Variants in FBXW11 observed in about 807,000 individuals in gnomAD.
FBXW11 encodes the protein F-box/WD repeat-containing protein 11.
Under a neutral mutation model 77.6 loss-of-function variants are expected in FBXW11, and 19 were observed. The observed-to-expected ratio is 0.24, with a 90% CI of 0.17 to 0.36. The LOEUF (loss-of-function observed/expected upper bound fraction) is 0.36, where lower values mean the gene tolerates loss of function less well. Ranked by LOEUF, FBXW11 falls within the 10% of genes least tolerant of loss-of-function variation. FBXW11 has a pLI of 1.00. For missense variants in FBXW11, 334 were observed against 704.2 expected, an observed-to-expected ratio of 0.47 and a Z score of 5.95; for synonymous variants, 235 against 249.4, an observed-to-expected ratio of 0.94 and a Z score of 0.54.
intron 2 of FBXW11, among the ~76,000 whole-genome samples, chr5:171,939,715 A>G (rs868458099): frequency 0.026 from 3,851 of 147,918 alleles, 88 homozygotes; most frequent in African/African-American, 0.061. Context: ...AAAAAAAAAA[A>G]AAAGAAAGAA....
At chr5:171,953,952 A>G (rs1338222826) in intron 2 of FBXW11, among the ~76,000 whole-genome samples, 1 of 152,208 alleles carries the variant, frequency 6.6e-6, no homozygotes, top group Non-Finnish European at 1.5e-5. Context: ...GCTGTCAAGA[A>G]GTTGTGCTAC....
At chr5:171,902,121 A>G (rs373409595) in intron 4 of FBXW11, among the ~76,000 whole-genome samples, 3 of 152,180 alleles carry the variant, frequency 2.0e-5, no homozygotes, top group African/African-American at 4.8e-5. Flanking sequence ...TGCCCAGTCC[A>G]TATCTCTCTA....
chr5:171,964,791 C>T (rs917374121), intron 1 of FBXW11, among the ~76,000 whole-genome samples: 2 of 152,134 alleles, frequency 1.3e-5, no homozygotes, highest in South Asian at 2.1e-4. Flanking sequence ...TTTTCTATAA[C>T]CTTTTATAGA....
intron 2 of FBXW11, among the ~76,000 whole-genome samples, chr5:171,925,411 AAAACAAAC>A (rs753135131): frequency 1.3e-5 from 2 of 152,206 alleles, no homozygotes; most frequent in African/African-American, 2.4e-5. Flanking sequence ...TTTTCTGTAA[AAAACAAAC>A]AAACAAACAA....
At chr5:171,908,707 A>C (rs543643435) in intron 4 of FBXW11, 1 of 152,324 alleles carries the variant, frequency 6.6e-6, no homozygotes, top group African/African-American at 2.4e-5. Flanking sequence ...AGGTAAACTT[A>C]CACGTTTTGG....
intron 1 of FBXW11, among the ~76,000 whole-genome samples, chr5:171,974,976 T>C (rs1764745975): frequency 6.6e-6 from 1 of 152,100 alleles, no homozygotes; most frequent in Non-Finnish European, 1.5e-5. Flanking sequence ...GTATTTTTAG[T>C]AGAGACAGGG....
At chr5:171,951,115 A>C (rs1763290237) in intron 2 of FBXW11, among the ~76,000 whole-genome samples, 1 of 152,162 alleles carries the variant, frequency 6.6e-6, no homozygotes, top group African/African-American at 2.4e-5. Context: ...TTCCTTGACC[A>C]AGCAATTACA....
chr5:171,975,865 C>T (rs1764801036), intron 1 of FBXW11, among the ~76,000 whole-genome samples: 1 of 152,160 alleles, frequency 6.6e-6, no homozygotes, highest in African/African-American at 2.4e-5. Flanking sequence ...TCTCTTGGAT[C>T]ACACAGATTT....
intron 1 of FBXW11, among the ~76,000 whole-genome samples, chr5:172,004,704 ATTC>A (rs1317496168): frequency 2.0e-5 from 3 of 152,220 alleles, no homozygotes; most frequent in Non-Finnish European, 2.9e-5. Context: ...CTGTGTGTAC[ATTC>A]TTAAGAATAT....
chr5:171,999,667 A>C (rs1371301142), intron 1 of FBXW11, among the ~76,000 whole-genome samples: 1 of 152,162 alleles, frequency 6.6e-6, no homozygotes, highest in Non-Finnish European at 1.5e-5. Context: ...TCCTAAAAAA[A>C]TAAACATTAA....
chr5:171,907,562 G>A (rs1246144676), intron 4 of FBXW11, among the ~76,000 whole-genome samples: 6 of 151,864 alleles, frequency 4.0e-5, no homozygotes, highest in Non-Finnish European at 2.9e-5. Flanking sequence ...TGGCCAGCTC[G>A]TCCTCAGCTA....
rs1172964706 is a variant in FBXW11 at position 171,862,085 on chromosome 5, C to CA, written c.*2041dup. The CA allele has an allele frequency of 6.6e-6, 1 of 152,572 alleles. No individual in the cohort carries two copies. The highest frequency in any genetic ancestry group is 2.4e-5 in the African/African-American group (1 of 41,418). 9.5% of individuals were successfully genotyped at this position (152,572 alleles called of 1,614,324 possible). On this transcript the variant is annotated 3_prime_UTR_variant, in exon 14 of 14. Transcript: ENST00000517395. The stretch of plus-strand genomic sequence containing the variant: ...TTCTATATTAAACATGCAAAAACAA[C>CA]AAAAAATCCATTCATTCATTCAGAA...
At chr5:171,963,533 C>T (rs1764020840) in intron 1 of FBXW11, among the ~76,000 whole-genome samples, 1 of 152,190 alleles carries the variant, frequency 6.6e-6, no homozygotes, top group African/African-American at 2.4e-5. Context: ...TACAGCCCAT[C>T]AGTAGTTGGC....
chr5:171,883,275 T>C (rs564143354), intron 7 of FBXW11, among the ~76,000 whole-genome samples: 2 of 152,326 alleles, frequency 1.3e-5, no homozygotes, highest in East Asian at 3.9e-4. Context: ...TTTTAAATAA[T>C]GACTTATTTT....
intron 1 of FBXW11, among the ~76,000 whole-genome samples, chr5:171,970,764 A>G (rs771985139): frequency 2.0e-4 from 31 of 152,386 alleles, no homozygotes; most frequent in Middle Eastern, 6.8e-3. Context: ...GGCACATTTT[A>G]TCATCCCTTA....
intron 7 of FBXW11, among the ~76,000 whole-genome samples, chr5:171,884,757 G>A (rs1161343815): frequency 6.6e-6 from 1 of 152,166 alleles, no homozygotes; most frequent in Non-Finnish European, 1.5e-5. Context: ...ATTTCTTTCA[G>A]CAGTGTTTTG....
rs934510108 is a variant in FBXW11, at chr5:171,904,967, C to T, written c.437-4867G>A. 5.3e-5 allele frequency among the ~76,000 whole-genome samples: 8 copies of T among 151,908 alleles called. No homozygotes were observed. The highest frequency in any genetic ancestry group is 1.2e-4 in the Non-Finnish European group (8 of 67,998). ...TATCCCTTTTAGTCCTCTTTGATTC[C>T]CCCATCAATTGCTCACAACTAGGCT... On this transcript the variant is annotated intron_variant, in intron 4 of 13. Transcript: ENST00000517395. This position sits in a 1 kb window ranked among gnomAD's most constrained non-coding sequence, Gnocchi z 4.0.
At chr5:171,866,908 A>G (rs566503691) in intron 13 of FBXW11, among the ~76,000 whole-genome samples, 4 of 152,350 alleles carry the variant, frequency 2.6e-5, no homozygotes, top group African/African-American at 9.6e-5. Context: ...AGAAAGCAGC[A>G]GGGCAGAAGA....
chr5:171,900,848 A>G (rs2113885043), intron 4 of FBXW11, among the ~76,000 whole-genome samples: 1 of 152,290 alleles, frequency 6.6e-6, no homozygotes, highest in South Asian at 2.1e-4. Flanking sequence ...CCACGATACA[A>G]GGATACTCTC....
Sources: allele counts gnomAD v4.1 joint callset (sites outside exome capture counted in the v4.1 genomes callset), GRCh38; gene constraint gnomAD v4.1.1; non-coding constraint Gnocchi (gnomAD v3.1); transcripts MANE v1.5; gene names NCBI Gene and HGNC (gene_info 2026-07-23, HGNC 2026-07-21).